The following EYA1 variants were observed in gnomAD, a reference collection of about 807,000 sequenced individuals.
EYA1 encodes protein phosphatase EYA1.
A neutral mutation model predicts 82.0 loss-of-function variants in EYA1; 16 were observed. The observed-to-expected ratio is 0.20, with a 90% confidence interval of 0.13 to 0.30. The LOEUF is 0.30. Ranked by LOEUF, EYA1 falls within the 10% of genes least tolerant of loss-of-function variation. The pLI, the probability that EYA1 is intolerant of heterozygous loss-of-function variation, is 1.00. For missense variants in EYA1, 633 were observed against 730.7 expected, an observed-to-expected ratio of 0.87 and a Z score of 1.54; for synonymous variants, 261 against 264.4, an observed-to-expected ratio of 0.99 and a Z score of 0.12.
At chr8:71,345,425 A>T (rs1452793227) in intron 3 of EYA1, among the ~76,000 whole-genome samples, 1 of 152,220 alleles carries the variant, frequency 6.6e-6, no homozygotes, top group African/African-American at 2.4e-5. Flanking sequence ...GCAGTTAAGT[A>T]AGTATTCATC....
chr8:71,251,821 T>C (rs532975358), intron 11 of EYA1, among the ~76,000 whole-genome samples: 1 of 115,016 alleles, frequency 8.7e-6, no homozygotes, highest in Admixed American at 7.5e-5. Context: ...CTACCTTGAA[T>C]TGTTTATTGA....
intron 12 of EYA1, among the ~76,000 whole-genome samples, chr8:71,220,222 A>G (rs191643376): frequency 2.6e-5 from 4 of 152,362 alleles, no homozygotes; most frequent in African/African-American, 9.6e-5. Flanking sequence ...TTTTATTCCA[A>G]AAACAGACTA....
intron 12 of EYA1, among the ~76,000 whole-genome samples, chr8:71,240,791 A>G: frequency 6.6e-6 from 1 of 152,238 alleles, no homozygotes; most frequent in East Asian, 1.9e-4. Flanking sequence ...CCAGCAGGAG[A>G]ACTGACCAGC....
chr8:71,397,712 GC>G (rs1472152865), intron 2 of EYA1, among the ~76,000 whole-genome samples: 1 of 152,156 alleles, frequency 6.6e-6, no homozygotes, highest in Non-Finnish European at 1.5e-5. Context: ...CTCTCTGGCT[GC>G]CCTTAACATT....
intron 2 of EYA1, among the ~76,000 whole-genome samples, chr8:71,478,405 C>T (rs1809836685): frequency 6.6e-6 from 1 of 152,014 alleles, no homozygotes; most frequent in Non-Finnish European, 1.5e-5. Context: ...CCAATAGAGC[C>T]CATCTATACA....
intron 3 of EYA1, among the ~76,000 whole-genome samples, chr8:71,351,567 A>G (rs1826309148): frequency 6.6e-6 from 1 of 152,236 alleles, no homozygotes; most frequent in Admixed American, 6.5e-5. Flanking sequence ...TCAAACAACT[A>G]TTATAACTGA....
At position 71,218,070 on chromosome 8, in the gene EYA1, C is replaced by T. The variant is rs1051176244; in HGVS notation, c.1141-1047G>A. ...TTTCATATTTCAGTCATGTTCCTCT[C>T]TTTGCAGTCAGGCTCCAAATACCCC... On this transcript the variant is annotated intron_variant, in intron 12 of 17. Transcript: ENST00000340726. 2.0e-4 allele frequency among the ~76,000 whole-genome samples: 31 copies of T among 152,314 alleles called. 1 individual carries two copies. The South Asian group carries it at 3.9e-3, about 19-fold the overall frequency.
At chr8:71,285,153 G>A (rs1323102422) in intron 9 of EYA1, among the ~76,000 whole-genome samples, 1 of 152,178 alleles carries the variant, frequency 6.6e-6, no homozygotes, top group Non-Finnish European at 1.5e-5. Flanking sequence ...AGGAGAAACT[G>A]CGTTTTCTAC....
intron 11 of EYA1, among the ~76,000 whole-genome samples, chr8:71,263,192 C>A (rs1294284306): frequency 1.3e-5 from 2 of 152,202 alleles, no homozygotes; most frequent in African/African-American, 4.8e-5. Flanking sequence ...CGCCCAGCCT[C>A]CCCTGCACTG....
chr8:71,300,318 C>T (rs1820066890), intron 7 of EYA1, among the ~76,000 whole-genome samples: 1 of 152,166 alleles, frequency 6.6e-6, no homozygotes, highest in Admixed American at 6.5e-5. Context: ...TGAATGTCCA[C>T]ATTGTTAAAC....
intron 2 of EYA1, among the ~76,000 whole-genome samples, chr8:71,443,101 G>T (rs976973509): frequency 2.6e-5 from 4 of 152,108 alleles, no homozygotes; most frequent in African/African-American, 9.7e-5. Context: ...AGAATGTCAT[G>T]GCTAGGTATT....
At chr8:71,397,909 G>A (rs905129551) in intron 2 of EYA1, among the ~76,000 whole-genome samples, 4 of 152,018 alleles carry the variant, frequency 2.6e-5, no homozygotes, top group East Asian at 1.9e-4. Flanking sequence ...CATTCTCCCC[G>A]TCACTTTCAG....
chr8:71,203,604 T>C (rs941127839), intron 17 of EYA1, among the ~76,000 whole-genome samples: 1 of 152,042 alleles, frequency 6.6e-6, no homozygotes, highest in Admixed American at 6.6e-5. Flanking sequence ...ATCGTAGAGA[T>C]GTTAAGGAGG....
rs1355489583 is a variant in EYA1 at position 71,303,748 on chromosome 8, C to T, written c.557-4028G>A. ...ATCCCCAGAGTGCAAAATATAATAA[C>T]AATAAAACAAAATACCCATTGAGTA... On this transcript the variant is annotated intron_variant, in intron 7 of 17. Coordinates refer to ENST00000340726, the MANE Select transcript of EYA1 (RefSeq NM_000503.6). Among the ~76,000 whole-genome samples the T allele has an allele frequency of 1.4e-5, 2 of 142,670 alleles. 1 individual carries two copies. The highest frequency in any genetic ancestry group is 5.0e-5 in the African/African-American group (2 of 40,344). The allele number at this position is 142,670 out of a possible 152,430, so 93.6% of individuals were successfully genotyped here.
chr8:71,508,298 C>G (rs570572130), intron 2 of EYA1, among the ~76,000 whole-genome samples: 36 of 152,220 alleles, frequency 2.4e-4, no homozygotes, highest in Admixed American at 9.2e-4. Context: ...GTTTTTGAGA[C>G]AGTCTCCTTC....
intron 2 of EYA1, among the ~76,000 whole-genome samples, chr8:71,391,234 C>T (rs562719530): frequency 6.6e-6 from 1 of 152,300 alleles, no homozygotes; most frequent in Non-Finnish European, 1.5e-5. Flanking sequence ...CTGCCCACCT[C>T]AGCCTCCCAA....
intron 12 of EYA1, among the ~76,000 whole-genome samples, chr8:71,238,311 G>T (rs1447889842): frequency 6.6e-6 from 1 of 151,996 alleles, no homozygotes. Context: ...AATTCTTCAC[G>T]CTATTGTAGA....
At chr8:71,309,935 C>A (rs142135394) in intron 7 of EYA1, among the ~76,000 whole-genome samples, 9 of 152,294 alleles carry the variant, frequency 5.9e-5, no homozygotes, top group African/African-American at 1.4e-4. Flanking sequence ...GTGTTATTTT[C>A]TTCTCTAAGT....
At chr8:71,249,189 C>T (rs1249460270) in intron 11 of EYA1, among the ~76,000 whole-genome samples, 2 of 152,110 alleles carry the variant, frequency 1.3e-5, no homozygotes, top group Non-Finnish European at 2.9e-5. Flanking sequence ...CTTGACATTT[C>T]TCCTCTATGA....
Sources: allele counts gnomAD v4.1 joint callset (sites outside exome capture counted in the v4.1 genomes callset), GRCh38; gene constraint gnomAD v4.1.1; transcripts MANE v1.5; gene names NCBI Gene and HGNC (gene_info 2026-07-23, HGNC 2026-07-21).